COL25A1: variants seen among roughly 807,000 people sequenced by gnomAD.
The protein encoded by COL25A1 is collagen alpha-1(XXV) chain.
In COL25A1, 103 loss-of-function variants were observed where a neutral mutation model predicts 128.4. That is an observed-to-expected ratio of 0.80 (90% CI 0.68 to 0.94). COL25A1 has a LOEUF of 0.94. Ranked by LOEUF, COL25A1 falls within the 40% of genes least tolerant of loss-of-function variation. The probability of loss-of-function intolerance (pLI) is 0.00; values close to 1 mark genes in which losing one functional copy is unlikely to be tolerated. For missense variants in COL25A1, 745 were observed against 840.0 expected, an observed-to-expected ratio of 0.89 and a Z score of 1.40; for synonymous variants, 279 against 277.2, an observed-to-expected ratio of 1.01 and a Z score of -0.06.
chr4:109,194,093 G>T (rs1373117498), intron 3 of COL25A1, among the ~76,000 whole-genome samples: 1 of 152,096 alleles, frequency 6.6e-6, no homozygotes, highest in Non-Finnish European at 1.5e-5. Flanking sequence ...AAGCATTTTT[G>T]GGAGGTCTAA....
chr4:108,865,154 T>C (rs891342807), intron 20 of COL25A1, among the ~76,000 whole-genome samples: 16 of 151,806 alleles, frequency 1.1e-4, no homozygotes, highest in African/African-American at 3.9e-4. Context: ...GCATAAGGGG[T>C]AGAATTTCAA....
At chr4:109,222,308 C>T (rs547822892) in intron 3 of COL25A1, among the ~76,000 whole-genome samples, 2 of 151,952 alleles carry the variant, frequency 1.3e-5, no homozygotes, top group Admixed American at 6.5e-5. Context: ...GTGATCCGCC[C>T]GCCTCGGCCT....
At chr4:108,980,535 T>C (rs927683937) in intron 6 of COL25A1, among the ~76,000 whole-genome samples, 3 of 152,172 alleles carry the variant, frequency 2.0e-5, no homozygotes, top group African/African-American at 4.8e-5. Flanking sequence ...ATATTTCAAA[T>C]CCACAGTGTT....
At chr4:109,291,800 G>A (rs2126285460) in intron 3 of COL25A1, among the ~76,000 whole-genome samples, 1 of 152,112 alleles carries the variant, frequency 6.6e-6, no homozygotes, top group South Asian at 2.1e-4. Context: ...TAAGAAAAAG[G>A]ATGAAGTGAG....
At chr4:108,880,876 T>TA (rs1253128035) in intron 19 of COL25A1, among the ~76,000 whole-genome samples, 2 of 152,208 alleles carry the variant, frequency 1.3e-5, no homozygotes, top group Non-Finnish European at 2.9e-5. Context: ...AATAGGAACT[T>TA]AGAATCTTAC....
chr4:109,163,274 C>T (rs908031870), intron 3 of COL25A1, among the ~76,000 whole-genome samples: 3 of 152,192 alleles, frequency 2.0e-5, no homozygotes, highest in Middle Eastern at 3.2e-3. Context: ...CCTACGTGGT[C>T]AAATCCAGCA....
chr4:108,816,055 G>T (rs953499571), intron 37 of COL25A1, among the ~76,000 whole-genome samples: 1 of 152,146 alleles, frequency 6.6e-6, no homozygotes, highest in Non-Finnish European at 1.5e-5. Flanking sequence ...GTGAACGGGG[G>T]TTATGATAGT....
At chr4:109,132,876 G>A (rs553571584) in intron 3 of COL25A1, among the ~76,000 whole-genome samples, 2 of 152,118 alleles carry the variant, frequency 1.3e-5, no homozygotes, top group East Asian at 3.9e-4. Context: ...ATACTGAATG[G>A]CAGTATTAGA....
intron 19 of COL25A1, among the ~76,000 whole-genome samples, chr4:108,873,903 C>T (rs143484507): frequency 7.1e-6 from 1 of 141,566 alleles, no homozygotes; most frequent in East Asian, 2.5e-4. Context: ...TATAAATTTC[C>T]CTAAATGAAT....
intron 3 of COL25A1, among the ~76,000 whole-genome samples, chr4:109,290,593 T>A (rs1205768730): frequency 1.3e-5 from 2 of 151,932 alleles, no homozygotes; most frequent in Non-Finnish European, 2.9e-5. Flanking sequence ...TCTATAGGGG[T>A]TGGGAAGGAA....
chr4:108,827,153 T>C lies in COL25A1; in HGVS notation c.1746A>G (p.Arg582=), dbSNP rs908622962. ...AACTCACAGGCAGCCCATAGGGCCCTCTTGGTCCAGGCTCTCCCATAGCTC... is the reference window on the plus strand; with the variant it reads ...AACTCACAGGCAGCCCATAGGGCCCCCTTGGTCCAGGCTCTCCCATAGCTC... ...EKGAMGEPGP[R]GPYGLPGKDG... is the part of the protein sequence containing the mutation. The change falls in exon 33 of 38, where the codon AGA becomes AGG. Residue 582 remains arginine (R), a synonymous_variant. Coordinates refer to ENST00000399132, the MANE Select transcript of COL25A1 (RefSeq NM_198721.4). The C allele has an allele frequency of 5.0e-6, 8 of 1,613,950 alleles. No homozygotes were observed. In the Admixed American group the frequency reaches 5.0e-5, roughly 10 times the overall value.
intron 19 of COL25A1, among the ~76,000 whole-genome samples, chr4:108,881,669 A>T (rs1740142588): frequency 7.2e-6 from 1 of 138,022 alleles, no homozygotes; most frequent in Non-Finnish European, 1.6e-5. Flanking sequence ...GAACATTCTA[A>T]GTTAAGAAAA....
intron 11 of COL25A1, among the ~76,000 whole-genome samples, chr4:108,934,330 G>GT (rs979784111): frequency 7.8e-6 from 1 of 127,582 alleles, no homozygotes; most frequent in African/African-American, 2.9e-5. Flanking sequence ...ACCGGGGCCT[G>GT]TTGGGGGGAT....
At chr4:108,825,138 G>A in intron 34 of COL25A1, 58 bp downstream of exon 34, 1 of 1,347,924 alleles carries the variant, frequency 7.4e-7, no homozygotes, top group Non-Finnish European at 1.1e-6. Flanking sequence ...TGTTATCGAT[G>A]ATGGAGACCA....
chr4:109,282,467 A>G (rs1435547481), intron 3 of COL25A1, among the ~76,000 whole-genome samples: 1 of 152,256 alleles, frequency 6.6e-6, no homozygotes, highest in Non-Finnish European at 1.5e-5. Flanking sequence ...AATGAAAAAG[A>G]CAAAGCTGAA....
At chr4:109,126,607 A>G (rs570577345) in intron 3 of COL25A1, among the ~76,000 whole-genome samples, 2 of 152,342 alleles carry the variant, frequency 1.3e-5, no homozygotes, top group South Asian at 4.1e-4. Flanking sequence ...AGATACTACA[A>G]GCTTACACAA....
chr4:108,863,738 G>T (rs1025651983), intron 20 of COL25A1, among the ~76,000 whole-genome samples: 4 of 152,144 alleles, frequency 2.6e-5, no homozygotes, highest in Admixed American at 2.6e-4. Flanking sequence ...CATCAAATCT[G>T]CTGGGGGCCC....
At chr4:109,012,487 C>A (rs901062006) in intron 5 of COL25A1, among the ~76,000 whole-genome samples, 2 of 152,166 alleles carry the variant, frequency 1.3e-5, no homozygotes, top group Non-Finnish European at 1.5e-5. Context: ...GAGGCGCGGG[C>A]AGGAACTTGG....
chr4:108,926,742 T>C (rs531072539), intron 11 of COL25A1, among the ~76,000 whole-genome samples: 78 of 151,986 alleles, frequency 5.1e-4, no homozygotes, highest in African/African-American at 1.8e-3. Flanking sequence ...AAGATGCATG[T>C]ATATAAAATG....
Sources: gnomAD v4.1 joint callset for allele counts (sites outside exome capture counted in the v4.1 genomes callset) on GRCh38, gnomAD v4.1.1 for gene constraint, MANE v1.5 for transcripts, NCBI Gene and HGNC (gene_info 2026-07-23, HGNC 2026-07-21) for gene names.